Variants in TBC1D16 observed in about 807,000 individuals in gnomAD.
The protein encoded by TBC1D16 is CTD-2529O21.1.
In TBC1D16, 58 loss-of-function variants were observed where a neutral mutation model predicts 74.7. That is an observed-to-expected ratio of 0.78 (90% CI 0.63 to 0.97). The LOEUF is 0.97. Among genes scored for constraint, TBC1D16 ranks in the 50% least tolerant of loss-of-function variants. TBC1D16 has a pLI of 0.00. For missense variants in TBC1D16, 1,014 were observed against 1,079.5 expected (o/e 0.94, Z 0.85); for synonymous variants, 493 against 474.7 (o/e 1.04, Z -0.50).
chr17:79,939,406 G>C lies in TBC1D16; in HGVS notation c.*1453C>G, dbSNP rs1264980065. 2 of 152,260 alleles carry C rather than the reference G, an allele frequency of 1.3e-5. No individual in the cohort carries two copies. The highest frequency in any genetic ancestry group is 1.3e-4 in the Admixed American group (2 of 15,290). The allele number at this position is 152,260 out of a possible 1,614,324, so 9.4% of individuals were successfully genotyped here. A position where few individuals can be genotyped will look rare whatever the true frequency, so the allele number is the denominator to read the frequency against. Reference sequence around the variant, plus strand: ...TGGTGACCTCCGCTTTCCTGCTGAGGAACACTGCTTTGAAGTGGCATGGCC... The same window carrying C: ...TGGTGACCTCCGCTTTCCTGCTGAGCAACACTGCTTTGAAGTGGCATGGCC... On this transcript the variant is annotated 3_prime_UTR_variant, in exon 12 of 12. Coordinates refer to ENST00000310924, the MANE Select transcript of TBC1D16 (RefSeq NM_019020.4).
intron 3 of TBC1D16, among the ~76,000 whole-genome samples, chr17:79,998,942 C>T (rs1481283173): frequency 2.0e-5 from 3 of 152,088 alleles, no homozygotes; most frequent in African/African-American, 7.2e-5. Context: ...TATGAAATTC[C>T]ACTTTCAGTA....
chr17:79,995,482 A>T (rs1405466809), intron 3 of TBC1D16, among the ~76,000 whole-genome samples: 1 of 151,978 alleles, frequency 6.6e-6, no homozygotes, highest in Non-Finnish European at 1.5e-5. Context: ...TAGGAAAATA[A>T]CAGGAGAAAA....
intron 1 of TBC1D16, among the ~76,000 whole-genome samples, chr17:80,024,752 A>T: frequency 7.7e-6 from 1 of 129,646 alleles, no homozygotes; most frequent in Non-Finnish European, 1.7e-5. Flanking sequence ...CAAGACACAC[A>T]CACTACATAC....
rs2144282849 is a variant in TBC1D16 at position 79,980,919 on chromosome 17, G to A, written c.780-28101C>T. 6.6e-6 allele frequency among the ~76,000 whole-genome samples: 1 copy of A among 152,286 alleles called. No homozygotes were observed. Among genetic ancestry groups the A allele is most frequent in the South Asian group, 2.1e-4 (1 of 4,820 alleles). ...CGGGAGCTGCTGGGACCATGGCTAGGGGTTGTGACGTGACCTGGGCCCCGG... is the reference window on the plus strand; with the variant it reads ...CGGGAGCTGCTGGGACCATGGCTAGAGGTTGTGACGTGACCTGGGCCCCGG... On this transcript the variant is annotated intron_variant, in intron 3 of 11. Transcript: ENST00000310924. This position sits in a 1 kb window ranked among gnomAD's most constrained non-coding sequence, Gnocchi z 7.0.
At chr17:80,017,519 T>C (rs1390409336) in intron 1 of TBC1D16, among the ~76,000 whole-genome samples, 2 of 151,580 alleles carry the variant, frequency 1.3e-5, no homozygotes, top group African/African-American at 2.4e-5. Context: ...CCATCTCTAC[T>C]AAAAATACAA....
chr17:79,983,149 C>T lies in TBC1D16; in HGVS notation c.779+27011G>A, dbSNP rs542516342. ...AGGGGCATGGGCAAGTGAAATGCTA[C>T]GTCCCTCACCAACAGGCCGCTGTGC... On this transcript the variant is annotated intron_variant, in intron 3 of 11. Transcript: ENST00000310924. The surrounding 1 kb of genome is among the most constrained non-coding windows in gnomAD (Gnocchi z 5.6). Among the ~76,000 whole-genome samples the T allele has an allele frequency of 6.6e-5, 10 of 152,330 alleles. No homozygotes were observed. The highest frequency in any genetic ancestry group is 3.4e-3 in the Middle Eastern group (1 of 294).
intron 3 of TBC1D16, among the ~76,000 whole-genome samples, chr17:79,976,745 CA>C (rs1304389149): frequency 9.9e-5 from 15 of 152,124 alleles, no homozygotes. Context: ...AGGCAGGAGC[CA>C]AAGGGAACAG....
intron 3 of TBC1D16, among the ~76,000 whole-genome samples, chr17:79,972,856 T>C (rs772098703): frequency 2.6e-4 from 39 of 150,594 alleles, no homozygotes; most frequent in Admixed American, 5.3e-4. Flanking sequence ...GAGGCAGGAG[T>C]GGATCGCCTG....
At chr17:79,995,275 G>T (rs572228605) in intron 3 of TBC1D16, among the ~76,000 whole-genome samples, 1 of 151,848 alleles carries the variant, frequency 6.6e-6, no homozygotes, top group Non-Finnish European at 1.5e-5. Flanking sequence ...ACTCCAGTTT[G>T]GGTGACAAAC....
intron 1 of TBC1D16, among the ~76,000 whole-genome samples, chr17:80,030,109 T>C (rs2036724103): frequency 2.0e-5 from 3 of 152,120 alleles, no homozygotes; most frequent in Admixed American, 1.3e-4. Context: ...GCAACCTTAA[T>C]TCCATCCCCA....
rs1488846508 is a variant in TBC1D16, at chr17:79,983,449, T to C, written c.779+26711A>G. 1.3e-5 allele frequency among the ~76,000 whole-genome samples: 2 copies of C among 152,148 alleles called. No individual in the cohort carries two copies. The highest frequency in any genetic ancestry group is 4.8e-5 in the African/African-American group (2 of 41,440). On this transcript the variant is annotated intron_variant, in intron 3 of 11. Transcript: ENST00000310924. The surrounding 1 kb of genome is among the most constrained non-coding windows in gnomAD (Gnocchi z 5.6). ...AGAGAAAAACCCAAACTAAACCACATGGTCATCAACAGGAGTGTGGACAAC... is the reference window on the plus strand; with the variant it reads ...AGAGAAAAACCCAAACTAAACCACACGGTCATCAACAGGAGTGTGGACAAC...
At chr17:79,966,691 T>C (rs1464663699) in intron 3 of TBC1D16, among the ~76,000 whole-genome samples, 2 of 152,244 alleles carry the variant, frequency 1.3e-5, no homozygotes, top group African/African-American at 4.8e-5. Flanking sequence ...GTCTTTTTTT[T>C]CATGTGTTTT....
intron 3 of TBC1D16, among the ~76,000 whole-genome samples, chr17:79,997,812 A>G (rs886135996): frequency 6.6e-6 from 1 of 152,188 alleles, no homozygotes; most frequent in Non-Finnish European, 1.5e-5. Context: ...GGCGTCCATC[A>G]TTGCAGCCTC....
intron 1 of TBC1D16, among the ~76,000 whole-genome samples, chr17:80,032,906 G>T (rs1409610718): frequency 6.6e-6 from 1 of 152,190 alleles, no homozygotes; most frequent in African/African-American, 2.4e-5. Flanking sequence ...GGAAGAAGGG[G>T]AGCTAAAATT....
chr17:80,025,090 C>CACAAACACACACCATG (rs555996189), intron 1 of TBC1D16, among the ~76,000 whole-genome samples: 1 of 10,334 alleles, frequency 9.7e-5, no homozygotes, highest in Non-Finnish European at 2.1e-4. Flanking sequence ...TACCATGACA[C>CACAAACACACACCATG]ACACACACCA....
At position 79,997,988 on chromosome 17, in the gene TBC1D16, G is replaced by A. The variant is rs145303245; in HGVS notation, c.779+12172C>T. Among the ~76,000 whole-genome samples, 965 of 152,194 alleles carry A rather than the reference G, an allele frequency of 6.3e-3. 5 individuals carry two copies. The highest frequency in any genetic ancestry group is 0.022 in the African/African-American group (931 of 41,528). ...GAAAATACAAAAATTAGCTGGGTGT[G>A]GTGGCGGGAGCCTGGAATCCCAGCT... On this transcript the variant is annotated intron_variant, in intron 3 of 11. Coordinates refer to ENST00000310924, the MANE Select transcript of TBC1D16 (RefSeq NM_019020.4).
intron 3 of TBC1D16, among the ~76,000 whole-genome samples, chr17:79,997,259 C>T (rs931089672): frequency 1.3e-5 from 2 of 152,156 alleles, no homozygotes; most frequent in African/African-American, 4.8e-5. Context: ...CTGTACCAAC[C>T]TCAATTTCCT....
At position 80,007,937 on chromosome 17, in the gene TBC1D16, G is replaced by A. The variant is rs1486726724; in HGVS notation, c.779+2223C>T. On this transcript the variant is annotated intron_variant, in intron 3 of 11. Transcript: ENST00000310924. The surrounding 1 kb of genome is among the most constrained non-coding windows in gnomAD (Gnocchi z 4.5). Reference sequence around the variant, plus strand: ...CGGCCCCCGGTGGGTCCCAGGCAGAGGGACAGCCTGGCTTCCAGAGTGAGT... The same window carrying A: ...CGGCCCCCGGTGGGTCCCAGGCAGAAGGACAGCCTGGCTTCCAGAGTGAGT... Among the ~76,000 whole-genome samples the A allele has an allele frequency of 6.6e-6, 1 of 152,034 alleles. No homozygotes were observed. Among genetic ancestry groups the A allele is most frequent in the Non-Finnish European group, 1.5e-5 (1 of 68,006 alleles).
chr17:79,942,289 C>T lies in TBC1D16; in HGVS notation c.1909-83G>A, dbSNP rs553761658. The stretch of plus-strand genomic sequence containing the variant: ...CAGGGGGAAACTGAGTGCCAGGGTG[C>T]GAGTGAGGGCTCCAGGGCGAGGGGT... On this transcript the variant is annotated intron_variant, in intron 10 of 11. Transcript: ENST00000310924. The T allele has an allele frequency of 4.2e-5, 60 of 1,419,012 alleles. 1 individual carries two copies. Among genetic ancestry groups the T allele is most frequent in the South Asian group, 2.0e-4 (15 of 75,668 alleles). 87.9% of individuals were successfully genotyped at this position (1,419,012 alleles called of 1,614,324 possible).
Sources: gnomAD v4.1 joint callset for allele counts (sites outside exome capture counted in the v4.1 genomes callset) on GRCh38, gnomAD v4.1.1 for gene constraint, Gnocchi (gnomAD v3.1) non-coding constraint, MANE v1.5 for transcripts, NCBI Gene and HGNC (gene_info 2026-07-23, HGNC 2026-07-21) for gene names.